The following LAMTOR4 variants were observed in gnomAD, a reference collection of about 807,000 sequenced individuals.
LAMTOR4 encodes late endosomal/lysosomal adaptor, MAPK and MTOR activator 4.
LAMTOR4 carries 11 observed loss-of-function variants against 13.5 expected under a neutral mutation model. The ratio of observed to expected loss-of-function variants is 0.82; its 90% CI spans 0.51 to 1.35. The LOEUF is 1.35. LAMTOR4 is among the 40% of genes most tolerant of loss of function. The pLI is 0.00. For missense variants in LAMTOR4, 128 were observed against 126.2 expected (o/e 1.01, Z -0.07); for synonymous variants, 69 against 52.3 (o/e 1.32, Z -1.38).
At position 100,153,896 on chromosome 7, in the gene LAMTOR4, A is replaced by G; in HGVS notation, c.232A>G (p.Thr78Ala). The change falls in exon 4 of 4, where the codon ACG (threonine) becomes GCG (alanine). Residue 78 changes from threonine (T) to alanine (A), a missense_variant. Transcript: ENST00000341942. The part of the protein sequence containing the change: ...VVFGEHTLLV[T>A]VSGQRVFVVK... Reference sequence around the variant, plus strand: ...CTTTGGAGAACACACACTGCTGGTGACGGTGTCAGGACAGAGGGTGTTTGT... The same window carrying G: ...CTTTGGAGAACACACACTGCTGGTGGCGGTGTCAGGACAGAGGGTGTTTGT... 1 of 1,590,878 alleles carries G rather than the reference A, an allele frequency of 6.3e-7. No homozygotes were observed. Among genetic ancestry groups the G allele is most frequent in the Non-Finnish European group, 8.6e-7 (1 of 1,169,074 alleles).
chr7:100,152,179 G>T (rs1030768791), intron 2 of LAMTOR4, among the ~76,000 whole-genome samples: 1 of 152,226 alleles, frequency 6.6e-6, no homozygotes, highest in African/African-American at 2.4e-5. Flanking sequence ...GGAGGCTGAG[G>T]TGGGTGGATC....
At position 100,154,091 on chromosome 7, in the gene LAMTOR4, A is replaced by G. The variant is rs996165690; in HGVS notation, c.*127A>G. 117 of 720,120 alleles carry G rather than the reference A, an allele frequency of 1.6e-4. No individual in the cohort carries two copies. The highest frequency in any genetic ancestry group is 2.6e-4 in the Non-Finnish European group (108 of 410,158). The allele number at this position is 720,120 out of a possible 1,614,324, so 44.6% of individuals were successfully genotyped here. ...TTCTGCTCGCCCACCTCCCACCCCTACCTGGACGGGCCCAGGCTTGGGGAC... is the reference window on the plus strand; with the variant it reads ...TTCTGCTCGCCCACCTCCCACCCCTGCCTGGACGGGCCCAGGCTTGGGGAC... On this transcript the variant is annotated 3_prime_UTR_variant, in exon 4 of 4. Coordinates refer to ENST00000341942, the MANE Select transcript of LAMTOR4 (RefSeq NM_001008395.4).
rs752736916 is a variant in LAMTOR4 at position 100,149,540 on chromosome 7, G to T, written c.45G>T (p.Gln15His). ...AGGGGCTGGAGCGAATCCCAGACCA[G>T]CTCGGCTACCTGGTACTGAGTGAAG... ...LTQGLERIPD[Q>H]LGYLVLSEGA... Residue 15 changes from glutamine (Q) to histidine (H), a missense_variant, in exon 2 of 4, where the codon CAG (glutamine) becomes CAT (histidine). Physicochemically the swap from Gln to His is conservative, Grantham distance 24. Coordinates refer to ENST00000341942, the MANE Select transcript of LAMTOR4 (RefSeq NM_001008395.4). 1 of 1,614,058 alleles carries T rather than the reference G, an allele frequency of 6.2e-7. No individual in the cohort carries two copies. Among genetic ancestry groups the T allele is most frequent in the Non-Finnish European group, 8.5e-7 (1 of 1,179,964 alleles).
At position 100,148,925 on chromosome 7, in the gene LAMTOR4, C is replaced by T. The variant is rs112691884; in HGVS notation, c.-48C>T. 3,078 of 1,611,332 alleles carry T rather than the reference C, an allele frequency of 1.9e-3. 9 individuals are homozygous for T. The highest frequency in any genetic ancestry group is 6.3e-3 in the Middle Eastern group (38 of 6,062). On this transcript the variant is annotated 5_prime_UTR_variant, in exon 1 of 4. Transcript: ENST00000341942. ...CAAGCACGTGACCGGGGCCTGAAGC[C>T]GGAAGCTACCTATCTGGTAGGGAGC...
chr7:100,153,296 G>A (rs943872721), intron 2 of LAMTOR4, 104 bp from the exon 3 acceptor site: 2 of 798,298 alleles, frequency 2.5e-6, no homozygotes, highest in Non-Finnish European at 4.1e-6. Context: ...GGCAAGCCAA[G>A]GGGGAGAGGG....
rs751042334 is a variant in LAMTOR4 at position 100,148,939 on chromosome 7, C to T, written c.-34C>T. 14 of 1,612,098 alleles carry T rather than the reference C, an allele frequency of 8.7e-6. No homozygotes were observed. The highest frequency in any genetic ancestry group is 1.2e-5 in the Non-Finnish European group (14 of 1,179,978). Reference sequence around the variant, plus strand: ...GGGCCTGAAGCCGGAAGCTACCTATCTGGTAGGGAGCTCCCCCAGCACCGA... The same window carrying T: ...GGGCCTGAAGCCGGAAGCTACCTATTTGGTAGGGAGCTCCCCCAGCACCGA... On this transcript the variant is annotated 5_prime_UTR_variant, in exon 1 of 4. Transcript: ENST00000341942.
At position 100,153,912 on chromosome 7, in the gene LAMTOR4, G is replaced by A. The variant is rs1159529551; in HGVS notation, c.248G>A (p.Arg83Lys). The A allele has an allele frequency of 6.3e-7, 1 of 1,595,628 alleles. No homozygotes were observed. The highest frequency in any genetic ancestry group is 2.3e-5 in the East Asian group (1 of 44,302). ...HTLLVTVSGQ[R>K]VFVVKRQNRG... is the part of the protein sequence containing the mutation. ...CTGCTGGTGACGGTGTCAGGACAGA[G>A]GGTGTTTGTGGTGAAGAGGCAGAAC... The change falls in exon 4 of 4, where the codon AGG becomes AAG. Residue 83 changes from arginine (R) to lysine (K), a missense_variant. By Grantham distance (26) the Arg-to-Lys change is conservative. Coordinates refer to ENST00000341942, the MANE Select transcript of LAMTOR4 (RefSeq NM_001008395.4).
rs780688822 is a variant in LAMTOR4 at position 100,153,985 on chromosome 7, CGGA to C, written c.*23_*25del. ...TCTGAGCCTGCCGGAGGGCGAGGGT[CGGA>C]GAAGCGGATTGGGTCCTGGGCCTCT... On this transcript the variant is annotated 3_prime_UTR_variant, in exon 4 of 4. Coordinates refer to ENST00000341942, the MANE Select transcript of LAMTOR4 (RefSeq NM_001008395.4). The C allele has an allele frequency of 2.2e-5, 34 of 1,549,568 alleles. No individual in the cohort carries two copies. The highest frequency in any genetic ancestry group is 2.9e-5 in the Non-Finnish European group (33 of 1,141,332).
At chr7:100,152,016 T>C (rs942962915) in intron 2 of LAMTOR4, among the ~76,000 whole-genome samples, 5 of 152,244 alleles carry the variant, frequency 3.3e-5, no homozygotes, top group Non-Finnish European at 4.4e-5. Flanking sequence ...AAGAAGTTAT[T>C]TTAAAGGAGG....
intron 2 of LAMTOR4, among the ~76,000 whole-genome samples, chr7:100,151,509 C>T (rs903887421): frequency 6.6e-6 from 1 of 151,970 alleles, no homozygotes. Context: ...CTGCCTCAGC[C>T]TCCCTAGTAG....
intron 2 of LAMTOR4, among the ~76,000 whole-genome samples, chr7:100,150,826 A>G (rs1427352361): frequency 1.3e-5 from 2 of 151,940 alleles, no homozygotes; most frequent in Non-Finnish European, 2.9e-5. Flanking sequence ...TGTACTAAAA[A>G]TACAAAAACA....
chr7:100,151,475 GC>G (rs1376727454), intron 2 of LAMTOR4, among the ~76,000 whole-genome samples: 3 of 151,510 alleles, frequency 2.0e-5, no homozygotes, highest in Non-Finnish European at 4.4e-5. Flanking sequence ...TGCAAGCTCC[GC>G]CTCCCGGGTT....
chr7:100,148,952 C>A lies in LAMTOR4; in HGVS notation c.-21C>A, dbSNP rs760785686. 2.5e-6 allele frequency: 4 copies of A among 1,612,042 alleles called. No individual in the cohort carries two copies. The highest frequency in any genetic ancestry group is 3.4e-6 in the Non-Finnish European group (4 of 1,179,906). ...GAAGCTACCTATCTGGTAGGGAGCT[C>A]CCCCAGCACCGAAGACTGCGATGGT... On this transcript the variant is annotated 5_prime_UTR_variant, in exon 1 of 4. Transcript: ENST00000341942.
At position 100,148,980 on chromosome 7, in the gene LAMTOR4, G is replaced by A; in HGVS notation, c.3+5G>A. 6.2e-7 allele frequency: 1 copy of A among 1,611,078 alleles called. No individual in the cohort carries two copies. The highest frequency in any genetic ancestry group is 1.1e-5 in the South Asian group (1 of 91,034). ...CCAGCACCGAAGACTGCGATGGTGA[G>A]TGAGGACGCATGCGCGAGAGGACCC... On this transcript the variant is annotated splice_donor_5th_base_variant and intron_variant, in intron 1 of 3. Transcript: ENST00000341942.
Position 100,154,153 on chromosome 7 carries a change from C to T in LAMTOR4, c.*189C>T, listed in dbSNP as rs191321919. The T allele has an allele frequency of 1.0e-3, 597 of 580,752 alleles. No individual in the cohort carries two copies. Among genetic ancestry groups the T allele is most frequent in the Non-Finnish European group, 3.8e-4 (122 of 322,236 alleles). 36.0% of individuals were successfully genotyped at this position (580,752 alleles called of 1,614,324 possible). A position where few individuals can be genotyped will look rare whatever the true frequency, so the allele number is the denominator to read the frequency against. ...TTAAGGAGAACAAGGGCAAGGAGAC[C>T]TCCCTTTGTGCTCCCTCACTCCCTA... is the stretch of plus-strand genomic sequence containing the variant. On this transcript the variant is annotated 3_prime_UTR_variant, in exon 4 of 4. Transcript: ENST00000341942.
chr7:100,149,011 G>T, intron 1 of LAMTOR4, 36 bp downstream of exon 1: 1 of 1,603,388 alleles, frequency 6.2e-7, no homozygotes, highest in South Asian at 1.1e-5. Context: ...GACCCGCCGG[G>T]GGTTCAGCGT....
At chr7:100,149,412 A>C (rs764760676) in intron 1 of LAMTOR4, 87 bp from the exon 2 acceptor site, 1 of 913,764 alleles carries the variant, frequency 1.1e-6, no homozygotes, top group South Asian at 1.3e-5. Flanking sequence ...GCCATCGTCA[A>C]CCCAGAGACT....
intron 2 of LAMTOR4, among the ~76,000 whole-genome samples, chr7:100,152,091 C>G (rs145829639): frequency 6.6e-6 from 1 of 152,286 alleles, no homozygotes; most frequent in African/African-American, 2.4e-5. Flanking sequence ...AGCCAGAACT[C>G]TAAAGCCTGG....
intron 2 of LAMTOR4, among the ~76,000 whole-genome samples, chr7:100,151,390 T>C (rs1369976538): frequency 1.3e-5 from 2 of 149,196 alleles, no homozygotes; most frequent in African/African-American, 5.0e-5. Flanking sequence ...TTTTTTGTTT[T>C]TGTTTTTGTT....
Sources: gnomAD v4.1 joint callset for allele counts (sites outside exome capture counted in the v4.1 genomes callset) on GRCh38, gnomAD v4.1.1 for gene constraint, MANE v1.5 for transcripts, NCBI Gene and HGNC (gene_info 2026-07-23, HGNC 2026-07-21) for gene names.